CDH23: variants seen among roughly 807,000 people sequenced by gnomAD.
CDH23 encodes the protein cadherin-23.
Under a neutral mutation model 317.1 loss-of-function variants are expected in CDH23, and 189 were observed. The ratio of observed to expected loss-of-function variants is 0.60; its 90% CI spans 0.53 to 0.67. The LOEUF is 0.67. Among genes scored for constraint, CDH23 ranks in the 30% least tolerant of loss-of-function variants. CDH23 has a pLI of 0.00. For missense variants in CDH23, 4,401 were observed against 4,592.4 expected (o/e 0.96, Z 1.20); for synonymous variants, 1,839 against 1,876.8 (o/e 0.98, Z 0.52).
intron 9 of CDH23, among the ~76,000 whole-genome samples, chr10:71,595,235 G>A (rs1859758532): frequency 1.3e-5 from 2 of 152,126 alleles, no homozygotes; most frequent in African/African-American, 2.4e-5. Flanking sequence ...CTTGAAAGAA[G>A]GCTGCTAGGG....
intron 2 of CDH23, among the ~76,000 whole-genome samples, chr10:71,442,213 C>T (rs1849922658): frequency 6.6e-6 from 1 of 152,208 alleles, no homozygotes; most frequent in Non-Finnish European, 1.5e-5. Context: ...CGTGTATGGT[C>T]GGCCTGCATG....
At chr10:71,538,086 T>C (rs1244591127) in intron 6 of CDH23, among the ~76,000 whole-genome samples, 1 of 152,142 alleles carries the variant, frequency 6.6e-6, no homozygotes, top group Non-Finnish European at 1.5e-5. Context: ...CAGGCCAATA[T>C]GTACAGCAAG....
intron 38 of CDH23, among the ~76,000 whole-genome samples, chr10:71,766,370 G>A (rs1002136715): frequency 6.6e-6 from 1 of 151,780 alleles, no homozygotes; most frequent in African/African-American, 2.4e-5. Context: ...CCCGCCACCC[G>A]CCACCTGCCA....
chr10:71,674,549 G>A (rs140879204), intron 14 of CDH23, among the ~76,000 whole-genome samples: 2 of 152,278 alleles, frequency 1.3e-5, no homozygotes, highest in East Asian at 3.9e-4. Context: ...ACCTCTGCAT[G>A]GATTATTTAC....
intron 34 of CDH23, among the ~76,000 whole-genome samples, 181 bp downstream of exon 34, chr10:71,734,839 T>C (rs991506076): frequency 2.6e-5 from 4 of 152,204 alleles, no homozygotes; most frequent in Non-Finnish European, 4.4e-5. Context: ...CTGGGGCATG[T>C]CCCCTGCCTC....
chr10:71,757,916 A>T (rs1825502317), intron 38 of CDH23, among the ~76,000 whole-genome samples: 1 of 152,188 alleles, frequency 6.6e-6, no homozygotes, highest in South Asian at 2.1e-4. Context: ...ACAGCCCCTC[A>T]GCAATGCAGG....
At chr10:71,731,867 G>A (rs897697048) in intron 31 of CDH23, 120 bp from the exon 32 acceptor site, 3 of 993,916 alleles carry the variant, frequency 3.0e-6, no homozygotes, top group East Asian at 2.6e-5. Context: ...TGCCGGCAGA[G>A]GTGGGGCAGC....
At chr10:71,655,564 C>T (rs1863381696) in intron 14 of CDH23, among the ~76,000 whole-genome samples, 1 of 152,134 alleles carries the variant, frequency 6.6e-6, no homozygotes, top group Non-Finnish European at 1.5e-5. Flanking sequence ...GTGTGCCTTG[C>T]TGTCTGTGGC....
At chr10:71,806,099 C>A in intron 56 of CDH23, 69 bp from the exon 57 acceptor site, 1 of 1,527,314 alleles carries the variant, frequency 6.5e-7, no homozygotes, top group Admixed American at 2.0e-5. Flanking sequence ...GGGGAACTGG[C>A]CACCGGGAAG....
At chr10:71,770,206 A>G (rs981494336) in intron 38 of CDH23, among the ~76,000 whole-genome samples, 3 of 152,226 alleles carry the variant, frequency 2.0e-5, no homozygotes, top group Non-Finnish European at 4.4e-5. Context: ...GAAATACCAT[A>G]ATATTACACA....
At chr10:71,448,621 C>A (rs367725395) in intron 3 of CDH23, among the ~76,000 whole-genome samples, 4 of 152,210 alleles carry the variant, frequency 2.6e-5, no homozygotes, top group Non-Finnish European at 5.9e-5. Context: ...ATCTGTTTCT[C>A]GCTGTGTAAC....
intron 30 of CDH23, among the ~76,000 whole-genome samples, chr10:71,726,373 T>C (rs550715575): frequency 6.6e-6 from 1 of 152,188 alleles, no homozygotes; most frequent in Non-Finnish European, 1.5e-5. Flanking sequence ...TCCCCCAGGC[T>C]GGAAACAATG....
chr10:71,733,057 C>G (rs556955233), intron 32 of CDH23, among the ~76,000 whole-genome samples: 12 of 150,990 alleles, frequency 7.9e-5, no homozygotes, highest in African/African-American at 3.0e-4. Flanking sequence ...GTTGTTTGAC[C>G]CATGCTTCTG....
rs11599901 is a variant in CDH23 at position 71,712,936 on chromosome 10, G to A, written c.3369+123G>A. 0.19 allele frequency: 225,182 copies of A among 1,166,814 alleles called. 23,191 individuals are homozygous for A. The highest frequency in any genetic ancestry group is 0.2 in the Non-Finnish European group (162,128 of 802,368). The allele number at this position is 1,166,814 out of a possible 1,614,324, so 72.3% of individuals were successfully genotyped here. A position where few individuals can be genotyped will look rare whatever the true frequency, so the allele number is the denominator to read the frequency against. On this transcript the variant is annotated intron_variant, in intron 28 of 69. Transcript: ENST00000224721. ...GCAGGTGGGGGCCCAGGGTGGGTCCGCTGCTCTGGAAGGTGCTGTGGGGAA... is the reference window on the plus strand; with the variant it reads ...GCAGGTGGGGGCCCAGGGTGGGTCCACTGCTCTGGAAGGTGCTGTGGGGAA...
At chr10:71,430,774 C>G (rs1427897171) in intron 1 of CDH23, among the ~76,000 whole-genome samples, 2 of 152,002 alleles carry the variant, frequency 1.3e-5, no homozygotes, top group African/African-American at 2.4e-5. Flanking sequence ...GAGCCGAGAT[C>G]GCGCCACTGC....
At position 71,705,093 on chromosome 10, in the gene CDH23, G is replaced by A. The variant is rs1216598821; in HGVS notation, c.2916G>A (p.Thr972=). 6.8e-6 allele frequency: 11 copies of A among 1,611,664 alleles called. No individual in the cohort carries two copies. The highest frequency in any genetic ancestry group is 4.5e-5 in the East Asian group (2 of 44,872). Residue 972 remains threonine (T), a synonymous_variant, in exon 25 of 70, where the codon ACG becomes ACA. Coordinates refer to ENST00000224721, the MANE Select transcript of CDH23 (RefSeq NM_022124.6). ...QLRVVASDAG[T]PTKSSTSTLT... ...GGGTGGTGGCCAGTGATGCAGGCAC[G>A]CCCACCAAGAGCTCCACCAGCACGC...
At chr10:71,614,364 C>A (rs1861069911) in intron 9 of CDH23, among the ~76,000 whole-genome samples, 1 of 152,204 alleles carries the variant, frequency 6.6e-6, no homozygotes, top group East Asian at 1.9e-4. Flanking sequence ...TGTGAATGAA[C>A]CAACAAACTG....
chr10:71,726,601 A>G (rs1336100860), intron 30 of CDH23, among the ~76,000 whole-genome samples: 1 of 152,236 alleles, frequency 6.6e-6, no homozygotes, highest in Non-Finnish European at 1.5e-5. Context: ...TGGTTCTTAC[A>G]GGGCCCTGGT....
chr10:71,737,072 C>T (rs774049028), intron 34 of CDH23, among the ~76,000 whole-genome samples: 3 of 152,088 alleles, frequency 2.0e-5, no homozygotes, highest in Admixed American at 6.5e-5. Context: ...GGGAGGGATC[C>T]GATCACAAGG....
Sources: gnomAD v4.1 joint callset for allele counts (sites outside exome capture counted in the v4.1 genomes callset) on GRCh38, gnomAD v4.1.1 for gene constraint, MANE v1.5 for transcripts, NCBI Gene and HGNC (gene_info 2026-07-23, HGNC 2026-07-21) for gene names.